RPS6KA2: variants seen among roughly 807,000 people sequenced by gnomAD.
RPS6KA2 encodes ribosomal protein S6 kinase A2, also known as ribosomal protein S6 kinase alpha-2.
Under a neutral mutation model 91.8 loss-of-function variants are expected in RPS6KA2, and 42 were observed. The observed-to-expected ratio is 0.46, with a 90% CI of 0.36 to 0.59. The LOEUF is 0.59. Ranked by LOEUF, RPS6KA2 falls within the 20% of genes least tolerant of loss-of-function variation. RPS6KA2 has a pLI of 0.00. For synonymous variants in RPS6KA2, 414 were observed against 393.6 expected, an observed-to-expected ratio of 1.05 and a Z score of -0.61; for missense variants, 798 against 978.5, an observed-to-expected ratio of 0.82 and a Z score of 2.46.
intron 2 of RPS6KA2, among the ~76,000 whole-genome samples, chr6:166,809,347 C>T (rs1779573793): frequency 6.6e-6 from 1 of 152,050 alleles, no homozygotes. Flanking sequence ...ATGGATTTGA[C>T]AATATCAAAA....
intron 2 of RPS6KA2, among the ~76,000 whole-genome samples, chr6:166,789,400 C>A (rs1371081199): frequency 6.6e-6 from 1 of 152,226 alleles, no homozygotes; most frequent in African/African-American, 2.4e-5. Context: ...CTCAAGGAGG[C>A]CGGCCTGCCT....
At chr6:166,468,813 G>A (rs957897898) in intron 11 of RPS6KA2, among the ~76,000 whole-genome samples, 38 of 137,574 alleles carry the variant, frequency 2.8e-4, no homozygotes, top group African/African-American at 9.6e-4. Context: ...GCAGTGAGCC[G>A]AGATCGCGCC....
chr6:166,837,496 C>T (rs1256840205), intron 2 of RPS6KA2, among the ~76,000 whole-genome samples: 1 of 152,226 alleles, frequency 6.6e-6, no homozygotes, highest in African/African-American at 2.4e-5. Flanking sequence ...CAGGGTGGAC[C>T]TCTGTGTCTG....
rs59184288 is a variant in RPS6KA2 at position 166,726,641 on chromosome 6, T to C, written c.123+131559A>G. Among the ~76,000 whole-genome samples, 1 of 152,348 alleles carries C rather than the reference T, an allele frequency of 6.6e-6. No homozygotes were observed. The highest frequency in any genetic ancestry group is 2.4e-5 in the African/African-American group (1 of 41,592). ...ATCACCTTAAATCACATAAACATGA[T>C]CACCTTAAACAGAGAACTGGATCTC... On this transcript the variant is annotated intron_variant, in intron 2 of 21. Transcript: ENST00000503859. This position sits in a 1 kb window ranked among gnomAD's most constrained non-coding sequence, Gnocchi z 4.4.
In RPS6KA2 at chr6:166,726,911, C is replaced by T. The variant is rs7757799; in HGVS notation, c.123+131289G>A. Among the ~76,000 whole-genome samples the T allele has an allele frequency of 0.27, 40,749 of 152,050 alleles. 5,639 individuals are homozygous for T. The highest frequency in any genetic ancestry group is 0.35 in the African/African-American group (14,706 of 41,450). ...CTACCGTCCTGGGTGCTGTCTCCTC[C>T]ACCACGTAAGCCAAACCTGATTTCC... is the stretch of plus-strand genomic sequence containing the variant. On this transcript the variant is annotated intron_variant, in intron 2 of 21. Transcript: ENST00000503859. This position sits in a 1 kb window ranked among gnomAD's most constrained non-coding sequence, Gnocchi z 4.4.
At chr6:166,808,838 TA>T (rs1287970330) in intron 2 of RPS6KA2, among the ~76,000 whole-genome samples, 3 of 152,264 alleles carry the variant, frequency 2.0e-5, no homozygotes, top group Non-Finnish European at 4.4e-5. Flanking sequence ...ATCAAAATTC[TA>T]GCTGGATGTT....
intron 1 of RPS6KA2, among the ~76,000 whole-genome samples, chr6:166,590,171 C>T (rs1004724888): frequency 2.6e-5 from 4 of 152,186 alleles, no homozygotes; most frequent in African/African-American, 9.7e-5. Flanking sequence ...ATTAGAGCAG[C>T]CTTCTGGTTT....
chr6:166,803,504 A>C (rs1779419856), intron 2 of RPS6KA2, among the ~76,000 whole-genome samples: 1 of 152,238 alleles, frequency 6.6e-6, no homozygotes, highest in East Asian at 1.9e-4. Context: ...GCCCAAACCA[A>C]GAGTTAATCT....
intron 2 of RPS6KA2, among the ~76,000 whole-genome samples, chr6:166,842,225 T>C (rs1780501750): frequency 6.6e-6 from 1 of 152,190 alleles, no homozygotes; most frequent in African/African-American, 2.4e-5. Context: ...CCCCAAAAGA[T>C]ACGTGAGTCT....
chr6:166,646,668 C>T (rs896483124), intron 2 of RPS6KA2, among the ~76,000 whole-genome samples: 3 of 152,228 alleles, frequency 2.0e-5, no homozygotes, highest in Admixed American at 1.3e-4. Context: ...TTCGTTTCAC[C>T]AGGGGCTCCT....
chr6:166,687,736 G>A (rs1460090267), intron 2 of RPS6KA2, among the ~76,000 whole-genome samples: 4 of 152,232 alleles, frequency 2.6e-5, no homozygotes, highest in South Asian at 2.1e-4. Flanking sequence ...AGTTGGGCAC[G>A]TTTAAATGAA....
chr6:166,464,606 G>A (rs12202788), intron 11 of RPS6KA2, among the ~76,000 whole-genome samples: 31,475 of 152,076 alleles, frequency 0.21, 3,448 homozygotes, highest in Admixed American at 0.29. Flanking sequence ...GCTGGGAGCC[G>A]TCCTCAGACT....
intron 1 of RPS6KA2, chr6:166,858,284 G>C (rs200449446): frequency 3.5e-6 from 5 of 1,425,938 alleles, no homozygotes; most frequent in Non-Finnish European, 4.9e-6. Context: ...AGATGTTAAA[G>C]ATGGTTAGCA....
At chr6:166,720,197 A>G (rs1355201532) in intron 2 of RPS6KA2, among the ~76,000 whole-genome samples, 1 of 152,190 alleles carries the variant, frequency 6.6e-6, no homozygotes, top group African/African-American at 2.4e-5. Context: ...ATTTTAGGTA[A>G]TAAGTATTCA....
chr6:166,683,201 G>A (rs749641451), intron 2 of RPS6KA2, among the ~76,000 whole-genome samples: 9 of 152,214 alleles, frequency 5.9e-5, no homozygotes, highest in Admixed American at 6.5e-5. Context: ...GCATTTCCAC[G>A]ACAACTCATA....
chr6:166,565,142 A>T, intron 1 of RPS6KA2, among the ~76,000 whole-genome samples: 1 of 152,156 alleles, frequency 6.6e-6, no homozygotes, highest in African/African-American at 2.4e-5. Flanking sequence ...GGGAGAAAAG[A>T]GCAGGCTGGG....
intron 2 of RPS6KA2, among the ~76,000 whole-genome samples, chr6:166,738,692 G>A (rs1014862793): frequency 3.3e-5 from 5 of 152,134 alleles, no homozygotes; most frequent in African/African-American, 1.2e-4. Flanking sequence ...AAATAAAAAC[G>A]ACGTCACTGG....
At chr6:166,636,281 T>C (rs1245622976) in intron 2 of RPS6KA2, among the ~76,000 whole-genome samples, 2 of 151,808 alleles carry the variant, frequency 1.3e-5, no homozygotes, top group African/African-American at 2.4e-5. Flanking sequence ...CTTGAATCAG[T>C]ACCTCCCTGC....
intron 1 of RPS6KA2, among the ~76,000 whole-genome samples, chr6:166,561,037 G>A (rs902757497): frequency 1.3e-5 from 2 of 151,946 alleles, no homozygotes; most frequent in African/African-American, 4.8e-5. Context: ...ATTGATCAGA[G>A]AAAAGCGTTC....
Sources: allele counts gnomAD v4.1 joint callset (sites outside exome capture counted in the v4.1 genomes callset), GRCh38; gene constraint gnomAD v4.1.1; non-coding constraint Gnocchi (gnomAD v3.1); transcripts MANE v1.5; gene names NCBI Gene and HGNC (gene_info 2026-07-23, HGNC 2026-07-21).